FAT3: variants seen among roughly 807,000 people sequenced by gnomAD.
FAT3 encodes the protein FAT atypical cadherin 3, also known as protocadherin Fat 3.
FAT3 carries 95 observed loss-of-function variants against 310.2 expected under a neutral mutation model. The observed-to-expected ratio is 0.31, with a 90% CI of 0.26 to 0.36. The LOEUF is 0.36. Among genes scored for constraint, FAT3 ranks in the 10% least tolerant of loss-of-function variants. FAT3 has a pLI of 1.00. For synonymous variants in FAT3, 2,314 were observed against 2,192.9 expected (o/e 1.06, Z -1.54); for missense variants, 5,408 against 5,715.6 (o/e 0.95, Z 1.74).
Position 92,894,993 on chromosome 11 carries a change from A to C in FAT3, c.*3880A>C, listed in dbSNP as rs1011404708. On this transcript the variant is annotated 3_prime_UTR_variant, in exon 28 of 28. Transcript: ENST00000525166. ...TGCATCATCAAAGTCAGGGGAATTG[A>C]GAAAAGAGATTATCAAAATAAATTA... The C allele has an allele frequency of 3.3e-5, 5 of 152,186 alleles. No individual in the cohort carries two copies. Among genetic ancestry groups the C allele is most frequent in the Admixed American group, 1.3e-4 (2 of 15,282 alleles). 9.4% of individuals were successfully genotyped at this position (152,186 alleles called of 1,614,324 possible). A position where few individuals can be genotyped will look rare whatever the true frequency, so the allele number is the denominator to read the frequency against.
intron 1 of FAT3, among the ~76,000 whole-genome samples, chr11:92,277,043 TA>T (rs1946292523): frequency 6.6e-6 from 1 of 152,196 alleles, no homozygotes; most frequent in Admixed American, 6.5e-5. Context: ...CTTTTGCACC[TA>T]GCAGTTGCTA....
chr11:92,828,751 C>T (rs775630077), intron 13 of FAT3, among the ~76,000 whole-genome samples: 9 of 152,260 alleles, frequency 5.9e-5, no homozygotes, highest in Admixed American at 2.6e-4. Context: ...GTCCTGTAAA[C>T]GCAGCACTCC....
At chr11:92,610,441 G>C (rs1940508715) in intron 3 of FAT3, among the ~76,000 whole-genome samples, 1 of 152,100 alleles carries the variant, frequency 6.6e-6, no homozygotes, top group African/African-American at 2.4e-5. Flanking sequence ...AAAGTATTAA[G>C]CTGTACTCCT....
At chr11:92,886,161 C>G (rs534386960) in intron 24 of FAT3, among the ~76,000 whole-genome samples, 2 of 152,182 alleles carry the variant, frequency 1.3e-5, no homozygotes, top group Non-Finnish European at 2.9e-5. Flanking sequence ...ACATTTCCCC[C>G]CAAAGTATTG....
rs1162033113 is a variant in FAT3, at chr11:92,605,723, T to TTTG, written c.3607+80777_3607+80778insGTT. On this transcript the variant is annotated intron_variant, in intron 3 of 27. Coordinates refer to ENST00000525166, the MANE Select transcript of FAT3 (RefSeq NM_001367949.2). ...ATAATGCAATAAAATAGCTATGTTT[T>TTTG]TTTTTTTTTTTTTTTTTTTTACAAA... Among the ~76,000 whole-genome samples the TTTG allele has an allele frequency of 1.5e-4, 22 of 147,966 alleles. 1 individual carries two copies. Among genetic ancestry groups the TTTG allele is most frequent in the Non-Finnish European group, 2.7e-4 (18 of 67,076 alleles).
intron 1 of FAT3, among the ~76,000 whole-genome samples, chr11:92,242,577 A>G (rs781038895): frequency 2.9e-4 from 44 of 152,120 alleles, no homozygotes; most frequent in Non-Finnish European, 5.9e-4. Flanking sequence ...AGATAAATAA[A>G]TCACTGTTCT....
At chr11:92,366,766 T>G (rs1290363386) in intron 2 of FAT3, 3 of 532,584 alleles carry the variant, frequency 5.6e-6, no homozygotes, top group Non-Finnish European at 1.1e-5. Flanking sequence ...AGAGTAGAGC[T>G]CTGGTGGTAG....
At chr11:92,833,100 A>G (rs1479042408) in intron 14 of FAT3, among the ~76,000 whole-genome samples, 5 of 152,230 alleles carry the variant, frequency 3.3e-5, no homozygotes, top group Non-Finnish European at 7.3e-5. Flanking sequence ...TCAGGCAAAT[A>G]AAGGTCGTAA....
intron 2 of FAT3, among the ~76,000 whole-genome samples, chr11:92,474,237 A>G (rs957863338): frequency 6.6e-6 from 1 of 152,218 alleles, no homozygotes; most frequent in Non-Finnish European, 1.5e-5. Flanking sequence ...AGAGTAATCC[A>G]TCTGCTAATG....
intron 4 of FAT3, among the ~76,000 whole-genome samples, chr11:92,718,358 G>A (rs1316986321): frequency 1.3e-5 from 2 of 152,110 alleles, no homozygotes; most frequent in Non-Finnish European, 2.9e-5. Context: ...ATGAGCTTGG[G>A]GTTATATGGT....
chr11:92,634,904 TAGG>T (rs1941702483), intron 3 of FAT3, among the ~76,000 whole-genome samples: 1 of 152,160 alleles, frequency 6.6e-6, no homozygotes, highest in Non-Finnish European at 1.5e-5. Flanking sequence ...TGTGTCCTTA[TAGG>T]AGGAGACCAC....
chr11:92,715,878 C>T (rs577298779), intron 4 of FAT3, among the ~76,000 whole-genome samples: 13 of 151,910 alleles, frequency 8.6e-5, no homozygotes, highest in African/African-American at 2.9e-4. Context: ...GCATATGGCA[C>T]CCTTGGGAGA....
At chr11:92,765,712 T>C (rs981892563) in intron 6 of FAT3, among the ~76,000 whole-genome samples, 1 of 152,040 alleles carries the variant, frequency 6.6e-6, no homozygotes. Flanking sequence ...ATTTCATATA[T>C]GCCTCTAACA....
intron 2 of FAT3, among the ~76,000 whole-genome samples, chr11:92,470,384 T>A (rs1004471275): frequency 1.3e-5 from 2 of 152,254 alleles, no homozygotes; most frequent in East Asian, 3.8e-4. Flanking sequence ...ATTTTGTAAC[T>A]CTTACATCCA....
rs555860295 is a variant in FAT3, at chr11:92,485,806, T to A, written c.3293-38828T>A. Among the ~76,000 whole-genome samples, 4 of 152,270 alleles carry A rather than the reference T, an allele frequency of 2.6e-5. No individual in the cohort carries two copies. The East Asian group carries it at 5.8e-4, about 22-fold the overall frequency. ...ACCAGCTTTTATGCAGCCTAAGAAT[T>A]GTAGTATGTTAAAACAACCCCTAAT... On this transcript the variant is annotated intron_variant, in intron 2 of 27. Transcript: ENST00000525166.
chr11:92,629,644 C>T (rs1248500156), intron 3 of FAT3, among the ~76,000 whole-genome samples: 1 of 152,106 alleles, frequency 6.6e-6, no homozygotes, highest in African/African-American at 2.4e-5. Context: ...CTCTTGGTCT[C>T]AAGCAATCCT....
In FAT3 at chr11:92,844,559, A is replaced by G. The variant is rs752520374; in HGVS notation, c.11192A>G (p.Asn3731Ser). Residue 3731 changes from asparagine to serine, a missense_variant, in exon 19 of 28, where the codon AAT (asparagine) becomes AGT (serine). This residue lies in a region of FAT3 where 4,588 missense variants were observed against 4,809.8 expected (regional missense o/e 0.95). Coordinates refer to ENST00000525166, the MANE Select transcript of FAT3 (RefSeq NM_001367949.2). The stretch of plus-strand genomic sequence containing the variant: ...TCCAATGCTAGAAGACACCTGGAGA[A>G]TATCATGCGCATCTCAGCCATCTTG... ...KLSNARRHLE[N>S]IMRISAILEK... 6.2e-7 allele frequency: 1 copy of G among 1,614,038 alleles called. No homozygotes were observed. The highest frequency in any genetic ancestry group is 8.5e-7 in the Non-Finnish European group (1 of 1,179,904).
intron 4 of FAT3, among the ~76,000 whole-genome samples, chr11:92,722,919 G>A (rs895057607): frequency 4.6e-5 from 7 of 152,098 alleles, no homozygotes; most frequent in Non-Finnish European, 5.9e-5. Flanking sequence ...CCTGGCCTAC[G>A]AAAACATCTT....
At chr11:92,234,320 A>G (rs941581981) in intron 1 of FAT3, among the ~76,000 whole-genome samples, 7 of 152,218 alleles carry the variant, frequency 4.6e-5, no homozygotes, top group Non-Finnish European at 1.0e-4. Flanking sequence ...GTTCAAATAT[A>G]TAATAAAATG....
Sources: gnomAD v4.1 joint callset for allele counts (sites outside exome capture counted in the v4.1 genomes callset) on GRCh38, gnomAD v4.1.1 for gene constraint, gnomAD v4.1.1 regional missense constraint, MANE v1.5 for transcripts, NCBI Gene and HGNC (gene_info 2026-07-23, HGNC 2026-07-21) for gene names.